COG5: variants seen among roughly 807,000 people sequenced by gnomAD.
The protein encoded by COG5 is conserved oligomeric Golgi complex subunit 5.
COG5 carries 86 observed loss-of-function variants against 110.4 expected under a neutral mutation model. The observed-to-expected ratio is 0.78, with a 90% CI of 0.65 to 0.93. The LOEUF is 0.93. COG5 is among the 40% of genes least tolerant of loss of function. COG5 has a pLI of 0.00. For synonymous variants in COG5, 360 were observed against 334.6 expected, an observed-to-expected ratio of 1.08 and a Z score of -0.83; for missense variants, 1,077 against 987.0, an observed-to-expected ratio of 1.09 and a Z score of -1.22.
At chr7:107,206,066 T>C (rs1015616043) in intron 21 of COG5, among the ~76,000 whole-genome samples, 6 of 151,672 alleles carry the variant, frequency 4.0e-5, no homozygotes, top group African/African-American at 1.5e-4. Flanking sequence ...GTTCACGCCA[T>C]TCTCCTGCCT....
intron 14 of COG5, among the ~76,000 whole-genome samples, chr7:107,271,653 C>A (rs1012393347): frequency 6.6e-6 from 1 of 152,040 alleles, no homozygotes; most frequent in South Asian, 2.1e-4. Context: ...ACCTTGTATA[C>A]AATGATTTTA....
chr7:107,260,520 AC>A (rs1181622916), intron 14 of COG5, among the ~76,000 whole-genome samples: 1 of 152,176 alleles, frequency 6.6e-6, no homozygotes, highest in African/African-American at 2.4e-5. Context: ...TGACTTGTAC[AC>A]TTTAATGGGT....
At chr7:107,366,630 G>A (rs116439316) in intron 8 of COG5, among the ~76,000 whole-genome samples, 1,811 of 152,046 alleles carry the variant, frequency 0.012, 23 homozygotes, top group African/African-American at 0.041. Context: ...AGGTAGTGTG[G>A]GATAAAAATC....
chr7:107,373,924 G>A lies in COG5; in HGVS notation c.670-1164C>T, dbSNP rs369551023. On this transcript the variant is annotated intron_variant, in intron 7 of 21. Coordinates refer to ENST00000297135, the MANE Select transcript of COG5 (RefSeq NM_006348.5). ...TGTTATTTTAATAATAGTACATGCT[G>A]CAGACATACACATAAACTCACACAC... Among the ~76,000 whole-genome samples, 35 of 152,164 alleles carry A rather than the reference G, an allele frequency of 2.3e-4. 1 individual carries two copies. The East Asian group carries it at 2.7e-3, about 12-fold the overall frequency.
Position 107,549,095 on chromosome 7 carries a change from T to C in COG5, c.293-763A>G, listed in dbSNP as rs1802686558. 2.0e-5 allele frequency: 3 copies of C among 151,870 alleles called. No homozygotes were observed. The South Asian group carries it at 6.2e-4, about 32-fold the overall frequency. 9.4% of individuals were successfully genotyped at this position (151,870 alleles called of 1,614,324 possible). A position where few individuals can be genotyped will look rare whatever the true frequency, so the allele number is the denominator to read the frequency against. On this transcript the variant is annotated intron_variant, in intron 3 of 21. Transcript: ENST00000297135. ...AGCATACAAGTATACAATAACAGAG[T>C]TCAGTTCAATAGAATCCTCTCTGAA... is the stretch of plus-strand genomic sequence containing the variant.
intron 14 of COG5, among the ~76,000 whole-genome samples, chr7:107,270,201 T>A (rs1416831412): frequency 6.6e-6 from 1 of 151,640 alleles, no homozygotes; most frequent in Admixed American, 6.6e-5. Context: ...CTGAAAGGCA[T>A]AAAATTTTTC....
At position 107,460,920 on chromosome 7, in the gene COG5, TCTA is replaced by T. The variant is rs200733502; in HGVS notation, c.539-48291_539-48289del. 1.9e-4 allele frequency among the ~76,000 whole-genome samples: 29 copies of T among 151,852 alleles called. No homozygotes were observed. The East Asian group carries it at 5.2e-3, about 27-fold the overall frequency. The stretch of plus-strand genomic sequence containing the variant: ...ACACAGAAGAAATAGAAAATATGAA[TCTA>T]TTATCTATTAAATTATTTGAATTTA... On this transcript the variant is annotated intron_variant, in intron 6 of 21. Coordinates refer to ENST00000297135, the MANE Select transcript of COG5 (RefSeq NM_006348.5).
At chr7:107,211,326 T>A in intron 19 of COG5, 101 bp from the exon 20 acceptor site, 1 of 1,395,178 alleles carries the variant, frequency 7.2e-7, no homozygotes, top group East Asian at 2.4e-5. Context: ...TTTCCTAGAT[T>A]GGCTACTGAA....
At chr7:107,536,019 C>T (rs1267362107) in intron 5 of COG5, among the ~76,000 whole-genome samples, 2 of 152,098 alleles carry the variant, frequency 1.3e-5, no homozygotes, top group Non-Finnish European at 2.9e-5. Flanking sequence ...AATCAATAAA[C>T]ATAATCCATC....
At chr7:107,385,875 A>G (rs541600770) in intron 7 of COG5, among the ~76,000 whole-genome samples, 2 of 143,304 alleles carry the variant, frequency 1.4e-5, no homozygotes, top group South Asian at 4.3e-4. Flanking sequence ...TTTAATTTGC[A>G]TTTCCCTTAC....
chr7:107,299,725 G>A (rs1222524799), intron 11 of COG5, among the ~76,000 whole-genome samples: 2 of 150,552 alleles, frequency 1.3e-5, no homozygotes, highest in Non-Finnish European at 3.0e-5. Flanking sequence ...CAAGATAGGT[G>A]CAAGAATTAT....
intron 20 of COG5, among the ~76,000 whole-genome samples, 180 bp downstream of exon 20, chr7:107,210,919 A>G (rs984811584): frequency 6.6e-6 from 1 of 152,246 alleles, no homozygotes; most frequent in Non-Finnish European, 1.5e-5. Flanking sequence ...CACTGCTGAG[A>G]AAGAAGACAC....
At position 107,430,484 on chromosome 7, in the gene COG5, T is replaced by C. The variant is rs7792618; in HGVS notation, c.539-17852A>G. Among the ~76,000 whole-genome samples the C allele has an allele frequency of 8.3e-3, 1,271 of 152,370 alleles. 20 individuals are homozygous for C. The highest frequency in any genetic ancestry group is 0.026 in the African/African-American group (1,075 of 41,588). On this transcript the variant is annotated intron_variant, in intron 6 of 21. Coordinates refer to ENST00000297135, the MANE Select transcript of COG5 (RefSeq NM_006348.5). ...TGCCATTACCAGACTGTATGAATTA[T>C]TGTAGCTCTGTACTAAGTTTTAAAA... is the stretch of plus-strand genomic sequence containing the variant.
At chr7:107,392,676 C>CA (rs60351972) in intron 7 of COG5, among the ~76,000 whole-genome samples, 56,133 of 136,762 alleles carry the variant, frequency 0.41, 10,878 homozygotes, top group East Asian at 0.5. Context: ...ATTGAAATAC[C>CA]AAAAAAAAAA....
At chr7:107,223,966 A>C (rs144453850) in intron 19 of COG5, among the ~76,000 whole-genome samples, 3 of 152,384 alleles carry the variant, frequency 2.0e-5, no homozygotes, top group Non-Finnish European at 4.4e-5. Flanking sequence ...AAATGATGAT[A>C]AACTAAATAT....
In COG5 at chr7:107,525,770, G is replaced by A. The variant is rs147818447; in HGVS notation, c.538+1467C>T. 7.2e-4 allele frequency among the ~76,000 whole-genome samples: 109 copies of A among 152,116 alleles called. 1 individual carries two copies. The highest frequency in any genetic ancestry group is 1.4e-3 in the Non-Finnish European group (92 of 67,988). On this transcript the variant is annotated intron_variant, in intron 6 of 21. Coordinates refer to ENST00000297135, the MANE Select transcript of COG5 (RefSeq NM_006348.5). ...CTCAATTTTTACTTTTTAGAGCCAA[G>A]AGGAGATCTGTTCTGTTCACCCAGG...
At chr7:107,542,606 C>G (rs1210785451) in intron 5 of COG5, among the ~76,000 whole-genome samples, 1 of 152,168 alleles carries the variant, frequency 6.6e-6, no homozygotes, top group African/African-American at 2.4e-5. Flanking sequence ...TGGTCCCAAT[C>G]TGGAAACAAT....
chr7:107,546,065 T>A (rs1802418670), intron 5 of COG5, among the ~76,000 whole-genome samples: 1 of 151,968 alleles, frequency 6.6e-6, no homozygotes, highest in Admixed American at 6.6e-5. Flanking sequence ...CAATAAAGGA[T>A]GGATTTCGAA....
chr7:107,201,538 ATAAGATACTGATAG>A lies in COG5; in HGVS notation c.*1964_*1977del. ...CCATTTGTCCTCAATTCGTGTGACC[ATAAGATACTGATAG>A]CATTGAGTCTTGAAATGATTTAATA... On this transcript the variant is annotated 3_prime_UTR_variant, in exon 22 of 22. Coordinates refer to ENST00000297135, the MANE Select transcript of COG5 (RefSeq NM_006348.5). 1.6e-6 allele frequency: 1 copy of A among 628,202 alleles called. No homozygotes were observed. The highest frequency in any genetic ancestry group is 2.9e-6 in the Non-Finnish European group (1 of 345,204). 38.9% of individuals were successfully genotyped at this position (628,202 alleles called of 1,614,324 possible). A position where few individuals can be genotyped will look rare whatever the true frequency, so the allele number is the denominator to read the frequency against.
Sources: gnomAD v4.1 joint callset for allele counts (sites outside exome capture counted in the v4.1 genomes callset) on GRCh38, gnomAD v4.1.1 for gene constraint, MANE v1.5 for transcripts, NCBI Gene and HGNC (gene_info 2026-07-23, HGNC 2026-07-21) for gene names.